Variants in TMCO4 observed in about 807,000 individuals in gnomAD.
The protein encoded by TMCO4 is transmembrane and coiled-coil domain-containing protein 4.
Under a neutral mutation model 64.7 loss-of-function variants are expected in TMCO4, and 58 were observed. The observed-to-expected ratio is 0.90, with a 90% CI of 0.73 to 1.12. TMCO4 has a LOEUF of 1.12. TMCO4 is among the 50% of genes most tolerant of loss of function. The probability of loss-of-function intolerance (pLI) is 0.00; values close to 1 mark genes in which losing one functional copy is unlikely to be tolerated. For missense variants in TMCO4, 780 were observed against 825.9 expected, an observed-to-expected ratio of 0.94 and a Z score of 0.68; for synonymous variants, 325 against 346.1, an observed-to-expected ratio of 0.94 and a Z score of 0.68.
At chr1:19,698,109 C>T (rs1229502816) in intron 14 of TMCO4, among the ~76,000 whole-genome samples, 1 of 152,220 alleles carries the variant, frequency 6.6e-6, no homozygotes, top group Non-Finnish European at 1.5e-5. Flanking sequence ...GGCCCTCCAG[C>T]CAATGCTGAT....
At chr1:19,729,801 AAG>A (rs1174934007) in intron 13 of TMCO4, among the ~76,000 whole-genome samples, 10 of 152,184 alleles carry the variant, frequency 6.6e-5, no homozygotes, top group Non-Finnish European at 1.0e-4. Context: ...AATAAAAAAT[AAG>A]AGTATGATTT....
At chr1:19,795,538 T>C (rs1351641214) in intron 2 of TMCO4, among the ~76,000 whole-genome samples, 2 of 151,814 alleles carry the variant, frequency 1.3e-5, no homozygotes, top group Non-Finnish European at 2.9e-5. Context: ...AAAATCACAA[T>C]AGTAAATGCT....
chr1:19,682,616 C>T lies in TMCO4; in HGVS notation c.*424G>A. On this transcript the variant is annotated 3_prime_UTR_variant, in exon 16 of 16. Transcript: ENST00000294543. ...CCTGGAGTGTGGATGGAAGAACAGG[C>T]ATGCACCTGGTTTTATTGAGGCCAG... 1 of 717,542 alleles carries T rather than the reference C, an allele frequency of 1.4e-6. No individual in the cohort carries two copies. Among genetic ancestry groups the T allele is most frequent in the Non-Finnish European group, 2.6e-6 (1 of 385,080 alleles). 44.4% of individuals were successfully genotyped at this position (717,542 alleles called of 1,614,324 possible). A position where few individuals can be genotyped will look rare whatever the true frequency, so the allele number is the denominator to read the frequency against.
chr1:19,683,179 T>C lies in TMCO4; in HGVS notation c.1766A>G (p.Asp589Gly), dbSNP rs2095116068. ...AGGAAGGGAGGCCCCTTCAGACTGG[T>C]CCAGCCCTACTGGCACCTGGGCTTG... is the stretch of plus-strand genomic sequence containing the variant. ...PSQAQVPVGL[D>G]QSEGASLPAA... Residue 589 changes from aspartate (D) to glycine (G), a missense_variant, in exon 16 of 16, where the codon GAC becomes GGC. Physicochemically the swap from Asp to Gly is moderately conservative, Grantham distance 94. Transcript: ENST00000294543. 1 of 1,614,080 alleles carries C rather than the reference T, an allele frequency of 6.2e-7. No individual in the cohort carries two copies. The highest frequency in any genetic ancestry group is 1.3e-5 in the African/African-American group (1 of 74,934).
chr1:19,771,415 T>C lies in TMCO4; in HGVS notation c.247A>G (p.Thr83Ala). Reference sequence around the variant, plus strand: ...AGGCCGCTCGCAAAAGCAGTCATGGTTGGCAAGACAGCTTCAGACAACTCC... The same window carrying C: ...AGGCCGCTCGCAAAAGCAGTCATGGCTGGCAAGACAGCTTCAGACAACTCC... Reference protein sequence around the residue: ...WLELSEAVLPTMTAFASGLGG... With the variant: ...WLELSEAVLPAMTAFASGLGG... Residue 83 changes from threonine (T) to alanine (A), a missense_variant, in exon 5 of 16, where the codon ACC (threonine) becomes GCC (alanine). Transcript: ENST00000294543. 1.2e-6 allele frequency: 2 copies of C among 1,614,154 alleles called. No homozygotes were observed. The highest frequency in any genetic ancestry group is 1.7e-6 in the Non-Finnish European group (2 of 1,180,014).
chr1:19,784,997 TC>T (rs1260888534), intron 3 of TMCO4, among the ~76,000 whole-genome samples: 2 of 152,146 alleles, frequency 1.3e-5, no homozygotes, highest in East Asian at 3.8e-4. Context: ...TCCTGTGCAA[TC>T]CGGTTGCTGC....
At chr1:19,749,309 C>T (rs2041926904) in intron 7 of TMCO4, among the ~76,000 whole-genome samples, 2 of 152,274 alleles carry the variant, frequency 1.3e-5, no homozygotes, top group Admixed American at 1.3e-4. Context: ...GTCATAGGAC[C>T]AGCTTTAGCC....
intron 13 of TMCO4, among the ~76,000 whole-genome samples, chr1:19,722,192 G>A (rs529040504): frequency 3.9e-5 from 6 of 152,320 alleles, no homozygotes; most frequent in South Asian, 2.1e-4. Context: ...GATTTCAAAC[G>A]TCTTTTGGAA....
At chr1:19,707,439 A>G (rs1302075883) in intron 13 of TMCO4, among the ~76,000 whole-genome samples, 2 of 152,232 alleles carry the variant, frequency 1.3e-5, no homozygotes, top group Non-Finnish European at 2.9e-5. Context: ...TCTGGCCAAC[A>G]TGGCAAAACC....
chr1:19,793,615 C>A (rs759097056), intron 2 of TMCO4, among the ~76,000 whole-genome samples: 2 of 152,282 alleles, frequency 1.3e-5, no homozygotes, highest in Non-Finnish European at 2.9e-5. Flanking sequence ...ACAGTTCCAA[C>A]GTAGAAGAAC....
At chr1:19,726,939 C>G (rs1489068183) in intron 13 of TMCO4, among the ~76,000 whole-genome samples, 4 of 152,244 alleles carry the variant, frequency 2.6e-5, no homozygotes, top group African/African-American at 9.6e-5. Flanking sequence ...AGCCCTTCCC[C>G]CTCCTGTGGG....
intron 2 of TMCO4, among the ~76,000 whole-genome samples, chr1:19,797,853 G>A (rs189146448): frequency 8.2e-6 from 1 of 122,242 alleles, no homozygotes; most frequent in East Asian, 2.8e-4. Context: ...GACAGAGTGA[G>A]ACTCTGTCAA....
At position 19,718,120 on chromosome 1, in the gene TMCO4, G is replaced by A. The variant is rs551218462; in HGVS notation, c.1265-17235C>T. On this transcript the variant is annotated intron_variant, in intron 13 of 15. Transcript: ENST00000294543. ...TGCTAAGGCAGGTGGATCACCTGAGGTCAGGAGTTCAAGACCAGCCTGGCC... is the reference window on the plus strand; with the variant it reads ...TGCTAAGGCAGGTGGATCACCTGAGATCAGGAGTTCAAGACCAGCCTGGCC... 1.4e-3 allele frequency among the ~76,000 whole-genome samples: 211 copies of A among 152,096 alleles called. 1 individual carries two copies. The highest frequency in any genetic ancestry group is 4.8e-3 in the African/African-American group (199 of 41,468).
chr1:19,757,936 C>G (rs71645466), intron 6 of TMCO4, among the ~76,000 whole-genome samples: 1 of 152,224 alleles, frequency 6.6e-6, no homozygotes, highest in Non-Finnish European at 1.5e-5. Context: ...TGGCATTCAG[C>G]TACTCCGCAC....
intron 9 of TMCO4, 21 bp downstream of exon 9, chr1:19,746,435 A>G: frequency 6.2e-7 from 1 of 1,612,812 alleles, no homozygotes; most frequent in Non-Finnish European, 8.5e-7. Context: ...CTCTGAACCC[A>G]TCATTCCTTT....
chr1:19,736,322 T>C (rs868491921), intron 13 of TMCO4, among the ~76,000 whole-genome samples: 23 of 152,234 alleles, frequency 1.5e-4, no homozygotes, highest in Admixed American at 5.9e-4. Context: ...ACCCCCCTGA[T>C]TCAATTACCT....
intron 13 of TMCO4, among the ~76,000 whole-genome samples, chr1:19,729,238 C>T (rs531580482): frequency 3.7e-4 from 56 of 152,068 alleles, no homozygotes; most frequent in African/African-American, 1.3e-3. Context: ...CAACCTCTGC[C>T]TCCTGGGTTC....
At chr1:19,770,795 C>T (rs1384723995) in intron 5 of TMCO4, among the ~76,000 whole-genome samples, 1 of 152,224 alleles carries the variant, frequency 6.6e-6, no homozygotes, top group Non-Finnish European at 1.5e-5. Flanking sequence ...AATCCACTTA[C>T]TTTCCCTACC....
chr1:19,688,066 A>G (rs2095163888), intron 15 of TMCO4, among the ~76,000 whole-genome samples: 1 of 152,160 alleles, frequency 6.6e-6, no homozygotes, highest in Non-Finnish European at 1.5e-5. Flanking sequence ...GCCCCTGACC[A>G]TCTCCCAGGC....
Sources: allele counts gnomAD v4.1 joint callset (sites outside exome capture counted in the v4.1 genomes callset), GRCh38; gene constraint gnomAD v4.1.1; transcripts MANE v1.5; gene names NCBI Gene and HGNC (gene_info 2026-07-23, HGNC 2026-07-21).